Variants in HGF observed in about 807,000 individuals in gnomAD.
HGF encodes the protein fibroblast-derived tumor cytotoxic factor.
Under a neutral mutation model 111.6 loss-of-function variants are expected in HGF, and 39 were observed. The ratio of observed to expected loss-of-function variants is 0.35; its 90% CI spans 0.27 to 0.46. The LOEUF (loss-of-function observed/expected upper bound fraction) is 0.46, where lower values mean the gene tolerates loss of function less well. HGF is among the 20% of genes least tolerant of loss of function. HGF has a pLI of 1.00. For missense variants in HGF, 735 were observed against 910.5 expected, an observed-to-expected ratio of 0.81 and a Z score of 2.48; for synonymous variants, 285 against 294.8, an observed-to-expected ratio of 0.97 and a Z score of 0.34.
At chr7:81,741,424 AG>A (rs1787996452) in intron 7 of HGF, among the ~76,000 whole-genome samples, 1 of 152,146 alleles carries the variant, frequency 6.6e-6, no homozygotes, top group East Asian at 1.9e-4. Flanking sequence ...ATAGCTAGCC[AG>A]TGTCATAGTC....
intron 7 of HGF, among the ~76,000 whole-genome samples, chr7:81,742,252 C>T (rs950343053): frequency 3.3e-5 from 5 of 152,032 alleles, no homozygotes; most frequent in Admixed American, 6.6e-5. Context: ...AAAACATTTC[C>T]TTTTATTAGC....
intron 11 of HGF, among the ~76,000 whole-genome samples, chr7:81,715,309 A>T (rs1035766150): frequency 2.0e-5 from 3 of 152,130 alleles, no homozygotes; most frequent in Non-Finnish European, 4.4e-5. Flanking sequence ...TAACAAAAAC[A>T]TAGTGCTATA....
At chr7:81,751,799 T>C in intron 5 of HGF, 1 of 1,148,380 alleles carries the variant, frequency 8.7e-7, no homozygotes, top group Non-Finnish European at 1.1e-6. Context: ...TCCTTTCAGG[T>C]GCCACACAGT....
Position 81,702,480 on chromosome 7 carries a change from T to C in HGF, c.*101A>G, listed in dbSNP as rs886062456. The C allele has an allele frequency of 3.2e-6, 3 of 946,692 alleles. No individual in the cohort carries two copies. Among genetic ancestry groups the C allele is most frequent in the Non-Finnish European group, 5.1e-6 (3 of 588,366 alleles). 58.6% of individuals were successfully genotyped at this position (946,692 alleles called of 1,614,324 possible). Reference sequence around the variant, plus strand: ...AACAAACATGACTCTCCAGTAGTTGTCTTAGGATTGTTGTAAGTGACATTT... The same window carrying C: ...AACAAACATGACTCTCCAGTAGTTGCCTTAGGATTGTTGTAAGTGACATTT... On this transcript the variant is annotated 3_prime_UTR_variant, in exon 18 of 18. Transcript: ENST00000222390.
At chr7:81,761,820 G>A (rs751595046) in intron 2 of HGF, among the ~76,000 whole-genome samples, 11 of 151,718 alleles carry the variant, frequency 7.3e-5, no homozygotes, top group Non-Finnish European at 1.5e-4. Flanking sequence ...GCCGGGGAGC[G>A]GGGAATGGTT....
At chr7:81,721,746 C>G (rs1789869984) in intron 9 of HGF, among the ~76,000 whole-genome samples, 1 of 152,192 alleles carries the variant, frequency 6.6e-6, no homozygotes, top group African/African-American at 2.4e-5. Context: ...CATGATGTCA[C>G]TTTGTTCCAT....
At position 81,700,994 on chromosome 7, in the gene HGF, C is replaced by T. The variant is rs942054139; in HGVS notation, c.*1587G>A. The T allele has an allele frequency of 6.6e-6, 1 of 151,528 alleles. No homozygotes were observed. The highest frequency in any genetic ancestry group is 2.4e-5 in the African/African-American group (1 of 41,358). 9.4% of individuals were successfully genotyped at this position (151,528 alleles called of 1,614,324 possible). On this transcript the variant is annotated 3_prime_UTR_variant, in exon 18 of 18. Transcript: ENST00000222390. ...GTCAGAGAAATGGGACTACTGGATTCACACCATTCAAAAAATTATTTTTAA... is the reference window on the plus strand; with the variant it reads ...GTCAGAGAAATGGGACTACTGGATTTACACCATTCAAAAAATTATTTTTAA...
intron 7 of HGF, among the ~76,000 whole-genome samples, chr7:81,740,888 T>C (rs976179204): frequency 1.3e-5 from 2 of 152,206 alleles, no homozygotes; most frequent in Non-Finnish European, 2.9e-5. Flanking sequence ...GAGTTATGGC[T>C]GGACTCCTGA....
chr7:81,733,904 C>A (rs1390027246), intron 7 of HGF, among the ~76,000 whole-genome samples: 2 of 152,084 alleles, frequency 1.3e-5, no homozygotes, highest in African/African-American at 4.8e-5. Context: ...TGCAGCCCTG[C>A]TGTATAAATA....
intron 7 of HGF, among the ~76,000 whole-genome samples, chr7:81,739,571 C>A (rs1352250375): frequency 1.7e-4 from 1 of 5,786 alleles, no homozygotes; most frequent in Non-Finnish European, 2.6e-4. Flanking sequence ...GTTTTTAAAC[C>A]CCAGGGCAAT....
intron 5 of HGF, among the ~76,000 whole-genome samples, chr7:81,747,114 G>A (rs572615091): frequency 3.3e-5 from 5 of 152,164 alleles, no homozygotes; most frequent in South Asian, 2.1e-4. Context: ...CAAGATGGGC[G>A]GATCACGAGG....
intron 13 of HGF, among the ~76,000 whole-genome samples, chr7:81,709,089 A>G (rs1199708182): frequency 1.3e-5 from 2 of 152,114 alleles, no homozygotes; most frequent in Admixed American, 1.3e-4. Flanking sequence ...CTCTATTCTA[A>G]TGTCACTGTG....
intron 3 of HGF, 125 bp downstream of exon 3, chr7:81,758,567 A>C: frequency 1.5e-6 from 1 of 669,404 alleles, no homozygotes; most frequent in Non-Finnish European, 2.7e-6. Context: ...GGATGAATTG[A>C]CTACATAAAA....
At chr7:81,757,137 T>G (rs912463111) in intron 4 of HGF, 52 bp downstream of exon 4, 4 of 917,248 alleles carry the variant, frequency 4.4e-6, no homozygotes, top group Non-Finnish European at 7.3e-6. Context: ...ATGAGACTGT[T>G]AACATGTAAA....
chr7:81,748,940 A>G (rs150886926), intron 5 of HGF, among the ~76,000 whole-genome samples: 1 of 152,212 alleles, frequency 6.6e-6, no homozygotes, highest in South Asian at 2.1e-4. Flanking sequence ...TATACAGACT[A>G]AAAGAGTTAT....
chr7:81,704,455 C>T (rs2115752771), intron 17 of HGF, among the ~76,000 whole-genome samples: 1 of 151,668 alleles, frequency 6.6e-6, no homozygotes, highest in Admixed American at 6.6e-5. Context: ...TTTCATTGTT[C>T]ATGATTTACT....
chr7:81,740,095 A>G (rs1035272548), intron 7 of HGF, among the ~76,000 whole-genome samples: 2 of 152,180 alleles, frequency 1.3e-5, no homozygotes, highest in Non-Finnish European at 1.5e-5. Context: ...AGGATTGTTA[A>G]CTCTACAATG....
At position 81,769,871 on chromosome 7, in the gene HGF, G is replaced by C; in HGVS notation, c.88+13C>G. On this transcript the variant is annotated intron_variant, in intron 1 of 17. Transcript: ENST00000222390. ...TACTAATACTAATAATGAAGAAGAA[G>C]AAGGGAACTAACCTGCATAGGGGAT... is the stretch of plus-strand genomic sequence containing the variant. 1 of 1,547,628 alleles carries C rather than the reference G, an allele frequency of 6.5e-7. No homozygotes were observed. The highest frequency in any genetic ancestry group is 8.8e-7 in the Non-Finnish European group (1 of 1,140,818).
chr7:81,760,671 ATGTGCGTGCGTGTGTGTGTG>A (rs1789018767), intron 2 of HGF, among the ~76,000 whole-genome samples: 1 of 125,300 alleles, frequency 8.0e-6, no homozygotes, highest in Non-Finnish European at 1.6e-5. Flanking sequence ...ATGTGTGTCT[ATGTGCGTGCGTGTGTGTGTG>A]TGTGTGTGTG....
Sources: allele counts gnomAD v4.1 joint callset (sites outside exome capture counted in the v4.1 genomes callset), GRCh38; gene constraint gnomAD v4.1.1; transcripts MANE v1.5; gene names NCBI Gene and HGNC (gene_info 2026-07-23, HGNC 2026-07-21).